SLC4A4: variants seen among roughly 807,000 people sequenced by gnomAD.
SLC4A4 encodes electrogenic sodium bicarbonate cotransporter 1.
A neutral mutation model predicts 111.5 loss-of-function variants in SLC4A4; 27 were observed. That is an observed-to-expected ratio of 0.24 (90% CI 0.18 to 0.33). SLC4A4 has a LOEUF of 0.33. SLC4A4 is among the 10% of genes least tolerant of loss of function. SLC4A4 has a pLI of 1.00. For synonymous variants in SLC4A4, 443 were observed against 463.4 expected (o/e 0.96, Z 0.57); for missense variants, 909 against 1,315.5 (o/e 0.69, Z 4.78).
In SLC4A4 at chr4:71,147,501, C is replaced by A. The variant is rs549344261; in HGVS notation, c.-2+54709C>A. 7.9e-5 allele frequency among the ~76,000 whole-genome samples: 12 copies of A among 152,232 alleles called. No individual in the cohort carries two copies. The East Asian group carries it at 2.1e-3, about 27-fold the overall frequency. Reference sequence around the variant, plus strand: ...ACAGTGATGCTTTTCCTTCCTTTCTCCTTGCACTTCTCCCCTGGATGAACC... The same window carrying A: ...ACAGTGATGCTTTTCCTTCCTTTCTACTTGCACTTCTCCCCTGGATGAACC... On this transcript the variant is annotated intron_variant, in intron 2 of 26. Transcript: ENST00000649996.
At chr4:71,084,374 C>T (rs76340168) in intron 1 of SLC4A4, among the ~76,000 whole-genome samples, 2,158 of 152,136 alleles carry the variant, frequency 0.014, 77 homozygotes, top group African/African-American at 0.047. Context: ...TTTAAACCCA[C>T]ACCAAATGAC....
intron 2 of SLC4A4, among the ~76,000 whole-genome samples, chr4:71,145,624 A>T (rs1744142364): frequency 6.6e-6 from 1 of 152,016 alleles, no homozygotes; most frequent in African/African-American, 2.4e-5. Flanking sequence ...TCAATTTCAG[A>T]GCCTGTTATT....
chr4:71,470,549 G>T, intron 13 of SLC4A4, among the ~76,000 whole-genome samples: 1 of 151,970 alleles, frequency 6.6e-6, no homozygotes. Context: ...TCTGATGTTG[G>T]ATAAATGATT....
At chr4:71,440,462 G>A (rs1362651013) in intron 7 of SLC4A4, among the ~76,000 whole-genome samples, 154 bp from the exon 8 acceptor site, 1 of 152,124 alleles carries the variant, frequency 6.6e-6, no homozygotes, top group Non-Finnish European at 1.5e-5. Context: ...TGTAAAAGTG[G>A]CTAGCTAGAA....
rs138206850 is a variant in SLC4A4 at position 71,544,939 on chromosome 4, T to C, written c.2443-1411T>C. On this transcript the variant is annotated intron_variant, in intron 18 of 25. Transcript: ENST00000264485. ...GTACTAAGTTGGCAGTCAATACTCA[T>C]TGAAAGAATGAATGACTGAAATCTC... 2.6e-3 allele frequency among the ~76,000 whole-genome samples: 396 copies of C among 152,114 alleles called. 2 individuals carry two copies. Among genetic ancestry groups the C allele is most frequent in the Admixed American group, 0.01 (160 of 15,244 alleles).
upstream of SLC4A4, among the ~76,000 whole-genome samples, chr4:71,184,779 G>T (rs1405006714): frequency 6.6e-6 from 1 of 152,132 alleles, no homozygotes; most frequent in East Asian, 1.9e-4. Context: ...GTGATCACAT[G>T]CAGAGTTTAT....
At chr4:71,388,360 A>G (rs1192916668) in intron 6 of SLC4A4, among the ~76,000 whole-genome samples, 2 of 152,230 alleles carry the variant, frequency 1.3e-5, no homozygotes, top group African/African-American at 4.8e-5. Context: ...CAGGGACCAC[A>G]GGTTCCTTGA....
Position 71,159,233 on chromosome 4 carries a change from A to G in SLC4A4, c.-2+66441A>G, listed in dbSNP as rs186138769. On this transcript the variant is annotated intron_variant, in intron 2 of 26. Coordinates refer to the SLC4A4 transcript ENST00000649996. The stretch of plus-strand genomic sequence containing the variant: ...TTGTGGATAGCTGAATGGATAGACC[A>G]TAGAGTTTTAACCAATTTTCAGGGT... Among the ~76,000 whole-genome samples the G allele has an allele frequency of 2.7e-3, 417 of 152,334 alleles. 3 individuals carry two copies. Among genetic ancestry groups the G allele is most frequent in the Admixed American group, 4.4e-3 (68 of 15,298 alleles).
At chr4:71,087,494 G>A (rs1742217931) in intron 1 of SLC4A4, among the ~76,000 whole-genome samples, 1 of 151,990 alleles carries the variant, frequency 6.6e-6, no homozygotes, top group Admixed American at 6.6e-5. Context: ...TATTTGTGAT[G>A]TTAGGGTGTC....
At chr4:71,143,410 C>T (rs1367986019) in intron 2 of SLC4A4, among the ~76,000 whole-genome samples, 7 of 152,086 alleles carry the variant, frequency 4.6e-5, no homozygotes, top group Non-Finnish European at 7.3e-5. Flanking sequence ...AGTAGACATA[C>T]GTGTGCATGT....
chr4:71,378,788 G>A (rs1255110472), intron 6 of SLC4A4, among the ~76,000 whole-genome samples: 1 of 152,100 alleles, frequency 6.6e-6, no homozygotes, highest in Admixed American at 6.6e-5. Flanking sequence ...TTCTTTCCAT[G>A]GTAAGCTGAA....
At chr4:71,412,869 A>G (rs4235091) in intron 7 of SLC4A4, among the ~76,000 whole-genome samples, 151,592 of 152,338 alleles carry the variant, frequency 1, 75,429 homozygotes, top group Middle Eastern at 1. Context: ...AAACTAGTCA[A>G]TCTTTAAGTA....
intron 2 of SLC4A4, among the ~76,000 whole-genome samples, chr4:71,147,536 G>A (rs571308267): frequency 6.6e-6 from 1 of 152,196 alleles, no homozygotes; most frequent in Admixed American, 6.5e-5. Context: ...CAAGGACTTG[G>A]GTTTTTCTGC....
chr4:71,100,132 C>A lies in SLC4A4; in HGVS notation c.-2+7340C>A, dbSNP rs1410664618. Among the ~76,000 whole-genome samples, 4 of 152,140 alleles carry A rather than the reference C, an allele frequency of 2.6e-5. No homozygotes were observed. The East Asian group carries it at 7.7e-4, about 29-fold the overall frequency. On this transcript the variant is annotated intron_variant, in intron 2 of 26. Transcript: ENST00000649996. ...GCCAGCATTATCCTGATACCAAAAT[C>A]TGTCATAGATGCAACAAAAAAAGAA... is the stretch of plus-strand genomic sequence containing the variant.
chr4:71,348,494 C>G (rs1729527537), intron 4 of SLC4A4, among the ~76,000 whole-genome samples: 1 of 152,102 alleles, frequency 6.6e-6, no homozygotes, highest in South Asian at 2.1e-4. Context: ...AATCTCCCTT[C>G]CTGCATTTTT....
At chr4:71,157,421 T>A (rs888841469) in intron 2 of SLC4A4, among the ~76,000 whole-genome samples, 3 of 152,174 alleles carry the variant, frequency 2.0e-5, no homozygotes, top group Admixed American at 2.0e-4. Flanking sequence ...TTTCACCTGA[T>A]ATGAATAAAA....
chr4:71,288,987 A>G (rs1010659631), intron 3 of SLC4A4, among the ~76,000 whole-genome samples: 4 of 152,194 alleles, frequency 2.6e-5, no homozygotes, highest in African/African-American at 9.6e-5. Context: ...GGCTGCTGGA[A>G]TTACATTCTA....
chr4:71,355,834 A>C (rs138157949), intron 5 of SLC4A4, among the ~76,000 whole-genome samples: 175 of 152,332 alleles, frequency 1.1e-3, no homozygotes, highest in Admixed American at 2.4e-3. Context: ...AGTACCCATC[A>C]ATTTTCTTGC....
intron 2 of SLC4A4, among the ~76,000 whole-genome samples, chr4:71,152,312 T>C (rs537219800): frequency 6.6e-6 from 1 of 152,280 alleles, no homozygotes; most frequent in South Asian, 2.1e-4. Context: ...ATACAACATA[T>C]ATTTTTGCCC....
Sources: gnomAD v4.1 joint callset for allele counts (sites outside exome capture counted in the v4.1 genomes callset) on GRCh38, gnomAD v4.1.1 for gene constraint, MANE v1.5 for transcripts, NCBI Gene and HGNC (gene_info 2026-07-23, HGNC 2026-07-21) for gene names.